The following PDZK1 variants were observed in gnomAD, a reference collection of about 807,000 sequenced individuals.
The protein encoded by PDZK1 is Na(+)/H(+) exchange regulatory cofactor NHE-RF3.
A neutral mutation model predicts 38.1 loss-of-function variants in PDZK1; 23 were observed. The observed-to-expected ratio is 0.60, with a 90% confidence interval of 0.43 to 0.85. The LOEUF is 0.85. Among genes scored for constraint, PDZK1 ranks in the 40% least tolerant of loss-of-function variants. PDZK1 has a pLI of 0.00. For synonymous variants in PDZK1, 98 were observed against 186.2 expected (o/e 0.53, Z 3.86); for missense variants, 297 against 504.3 (o/e 0.59, Z 3.94).
chr1:145,702,000 A>T (rs1330709969), intron 1 of PDZK1, among the ~76,000 whole-genome samples: 1 of 152,228 alleles, frequency 6.6e-6, no homozygotes, highest in Non-Finnish European at 1.5e-5. Context: ...TAAAATATGT[A>T]TTTGCCTAGT....
chr1:145,689,461 G>A (rs1655063345), intron 1 of PDZK1, among the ~76,000 whole-genome samples: 2 of 152,182 alleles, frequency 1.3e-5, no homozygotes, highest in South Asian at 2.1e-4. Context: ...GAGGAAGACA[G>A]GACAAGTGTA....
At chr1:145,676,474 A>G (rs1653682042) in intron 6 of PDZK1, among the ~76,000 whole-genome samples, 1 of 151,718 alleles carries the variant, frequency 6.6e-6, no homozygotes, top group Non-Finnish European at 1.5e-5. Flanking sequence ...GTTGGCTTAT[A>G]CCTGTAATCC....
chr1:145,698,364 T>G (rs781850890), intron 1 of PDZK1, among the ~76,000 whole-genome samples: 4 of 152,012 alleles, frequency 2.6e-5, no homozygotes, highest in Non-Finnish European at 4.4e-5. Context: ...TATTTCAAAC[T>G]TAAAAGAAAT....
intron 6 of PDZK1, among the ~76,000 whole-genome samples, chr1:145,677,842 C>T (rs781924625): frequency 7.9e-6 from 1 of 126,080 alleles, no homozygotes; most frequent in African/African-American, 3.2e-5. Context: ...CTTAGCAAGA[C>T]AGATGGTACT....
intron 8 of PDZK1, among the ~76,000 whole-genome samples, chr1:145,672,013 T>TC (rs1474918429): frequency 6.6e-6 from 1 of 152,064 alleles, no homozygotes; most frequent in Non-Finnish European, 1.5e-5. Flanking sequence ...AACATTGAAT[T>TC]AAACTTTTTT....
intron 1 of PDZK1, among the ~76,000 whole-genome samples, chr1:145,696,775 C>T (rs1655654287): frequency 1.3e-5 from 2 of 152,186 alleles, no homozygotes; most frequent in African/African-American, 4.8e-5. Flanking sequence ...CTAATTCATG[C>T]TTTGATGACT....
chr1:145,673,622 G>GTGTT, intron 7 of PDZK1, 35 bp downstream of exon 7: 15 of 1,439,176 alleles, frequency 1.0e-5, no homozygotes, highest in Non-Finnish European at 1.4e-5. Flanking sequence ...AATTGTGGCT[G>GTGTT]TGTTTGTTGG....
chr1:145,671,475 G>T lies in PDZK1; in HGVS notation c.1521C>A (p.Ala507=). The change falls in exon 9 of 9, where the codon GCC becomes GCA. Residue 507 remains alanine (A), a synonymous_variant. Coordinates refer to ENST00000417171, the MANE Select transcript of PDZK1 (RefSeq NM_001201325.2). ...HMAKERAHST[A]SHSSSNSEDT... is the part of the protein sequence containing the mutation. ...CTTCAGAATTGGAAGAAGAATGTGA[G>T]GCTGTACTGTGGGCCTGTGTATAAG... 2 of 1,569,250 alleles carry T rather than the reference G, an allele frequency of 1.3e-6. No homozygotes were observed. The highest frequency in any genetic ancestry group is 1.7e-6 in the Non-Finnish European group (2 of 1,143,838).
At chr1:145,693,091 G>C (rs1187833038) in intron 1 of PDZK1, among the ~76,000 whole-genome samples, 1 of 152,126 alleles carries the variant, frequency 6.6e-6, no homozygotes, top group Non-Finnish European at 1.5e-5. Flanking sequence ...TTCTTCTTCT[G>C]AAGAAGGAAA....
intron 1 of PDZK1, among the ~76,000 whole-genome samples, chr1:145,690,668 A>T (rs1243433826): frequency 1.3e-5 from 2 of 152,200 alleles, no homozygotes; most frequent in Non-Finnish European, 2.9e-5. Flanking sequence ...AAGACTCAAC[A>T]ATCTCACGCC....
chr1:145,697,253 G>A (rs1399247804), intron 1 of PDZK1, among the ~76,000 whole-genome samples: 1 of 150,386 alleles, frequency 6.6e-6, no homozygotes, highest in Non-Finnish European at 1.5e-5. Flanking sequence ...CTTGAACCCG[G>A]GAGGCAGTGG....
chr1:145,686,369 G>A (rs782795173), intron 3 of PDZK1, 108 bp downstream of exon 3: 42 of 1,446,666 alleles, frequency 2.9e-5, no homozygotes, highest in Admixed American at 3.8e-5. Flanking sequence ...TATAGCAACT[G>A]AAAAGTCAGT....
At chr1:145,679,810 T>C (rs1553699970) in intron 5 of PDZK1, among the ~76,000 whole-genome samples, 1 of 152,220 alleles carries the variant, frequency 6.6e-6, no homozygotes, top group Non-Finnish European at 1.5e-5. Flanking sequence ...CTCCCCATTG[T>C]CTGATAAGCC....
intron 1 of PDZK1, among the ~76,000 whole-genome samples, chr1:145,695,923 T>C (rs1553704043): frequency 6.6e-6 from 1 of 152,192 alleles, no homozygotes. Context: ...ACAGAACAGC[T>C]GTGACAACAC....
chr1:145,702,303 A>C (rs1394685810), intron 1 of PDZK1, among the ~76,000 whole-genome samples: 1 of 152,034 alleles, frequency 6.6e-6, no homozygotes, highest in African/African-American at 2.4e-5. Flanking sequence ...TTGATTGCTT[A>C]TCTAAGAGTT....
chr1:145,698,975 T>C (rs1314663789), intron 1 of PDZK1, among the ~76,000 whole-genome samples: 1 of 151,224 alleles, frequency 6.6e-6, no homozygotes, highest in Non-Finnish European at 1.5e-5. Context: ...CAGTGGTTCA[T>C]GCCTGTAATC....
Position 145,692,276 on chromosome 1 carries a change from C to A in PDZK1, c.-2-4253G>T, listed in dbSNP as rs188807839. On this transcript the variant is annotated intron_variant, in intron 1 of 8. Coordinates refer to ENST00000417171, the MANE Select transcript of PDZK1 (RefSeq NM_001201325.2). ...AGGCCAAGGACTCTCAGGCCCCAGA[C>A]GGCCATCAACAGGATTGATATATGA... Among the ~76,000 whole-genome samples, 11 of 152,300 alleles carry A rather than the reference C, an allele frequency of 7.2e-5. No homozygotes were observed. In the East Asian group the frequency reaches 2.1e-3, roughly 29 times the overall value.
At chr1:145,703,214 A>G (rs1553705237) in intron 1 of PDZK1, among the ~76,000 whole-genome samples, 3 of 152,176 alleles carry the variant, frequency 2.0e-5, no homozygotes, top group Non-Finnish European at 4.4e-5. Flanking sequence ...GTACTTAACA[A>G]GTTCTATGTA....
intron 1 of PDZK1, among the ~76,000 whole-genome samples, chr1:145,695,041 A>T (rs1409623212): frequency 2.0e-5 from 3 of 152,112 alleles, no homozygotes; most frequent in Non-Finnish European, 4.4e-5. Flanking sequence ...CCTTAACAAC[A>T]TATGGATGAC....
Sources: gnomAD v4.1 joint callset for allele counts (sites outside exome capture counted in the v4.1 genomes callset) on GRCh38, gnomAD v4.1.1 for gene constraint, MANE v1.5 for transcripts, NCBI Gene and HGNC (gene_info 2026-07-23, HGNC 2026-07-21) for gene names.